PTTG1IP2: variants seen among roughly 807,000 people sequenced by gnomAD.
PTTG1IP2 encodes the protein PTTG1IP family member 2.
chr7:90,471,921 T>C (rs1312783295), intron 1 of PTTG1IP2, among the ~76,000 whole-genome samples: 1 of 152,002 alleles, frequency 6.6e-6, no homozygotes, highest in East Asian at 1.9e-4. Flanking sequence ...TTCATGGAAA[T>C]GGGAAACACC....
intron 4 of PTTG1IP2, among the ~76,000 whole-genome samples, chr7:90,489,821 A>AT (rs1562986650): frequency 1.3e-5 from 2 of 151,926 alleles, no homozygotes; most frequent in African/African-American, 4.8e-5. Flanking sequence ...GATCAAATAG[A>AT]TTCTCTTTTC....
intron 2 of PTTG1IP2, among the ~76,000 whole-genome samples, chr7:90,482,506 C>A (rs1584692847): frequency 1.1e-5 from 1 of 87,660 alleles, no homozygotes; most frequent in South Asian, 4.3e-4. Context: ...ACATTTACAA[C>A]CCCCCCCCCA....
chr7:90,475,245 G>T (rs1797734582), intron 1 of PTTG1IP2, among the ~76,000 whole-genome samples: 1 of 152,194 alleles, frequency 6.6e-6, no homozygotes, highest in African/African-American at 2.4e-5. Context: ...CACTGTGGTT[G>T]CCTTGACCTA....
Position 90,471,554 on chromosome 7 carries a change from A to G in PTTG1IP2, c.145+1623A>G, listed in dbSNP as rs140258894. On this transcript the variant is annotated intron_variant, in intron 1 of 6. Transcript: ENST00000509356. ...TTTTCTTCACTAAAAGTAACCAGAC[A>G]ACAAAGGGGCATAGTGCAAAAAATA... Among the ~76,000 whole-genome samples the G allele has an allele frequency of 5.6e-3, 853 of 152,248 alleles. 9 individuals carry two copies. Among genetic ancestry groups the G allele is most frequent in the African/African-American group, 0.02 (814 of 41,560 alleles).
chr7:90,497,742 A>AAAAAAG (rs1554407474), intron 6 of PTTG1IP2, among the ~76,000 whole-genome samples: 8 of 135,616 alleles, frequency 5.9e-5, no homozygotes, highest in East Asian at 2.1e-4. Context: ...AAAAAAAAAA[A>AAAAAAG]AAGAAGAAGA....
chr7:90,478,964 G>C lies in PTTG1IP2; in HGVS notation c.146-264G>C, dbSNP rs2188517. On this transcript the variant is annotated intron_variant, in intron 1 of 6. Coordinates refer to ENST00000509356, the MANE Select transcript of PTTG1IP2 (RefSeq NM_001365443.2). ...ATTTGTTTTTCCTTACTATGTTTTGGGGGTTGTTTTTTAGAACTTGGCTCA... is the reference window on the plus strand; with the variant it reads ...ATTTGTTTTTCCTTACTATGTTTTGCGGGTTGTTTTTTAGAACTTGGCTCA... Among the ~76,000 whole-genome samples the C allele has an allele frequency of 2.0e-5, 3 of 151,836 alleles. No homozygotes were observed. The East Asian group carries it at 5.8e-4, about 29-fold the overall frequency.
intron 1 of PTTG1IP2, among the ~76,000 whole-genome samples, chr7:90,473,736 C>G (rs1797715956): frequency 6.6e-6 from 1 of 152,200 alleles, no homozygotes; most frequent in Admixed American, 6.5e-5. Flanking sequence ...AGCTGCGCCT[C>G]TCTGACAGTA....
At position 90,507,749 on chromosome 7, in the gene PTTG1IP2, G is replaced by A. The variant is rs376466808; in HGVS notation, c.*51-5529G>A. Among the ~76,000 whole-genome samples, 117 of 152,272 alleles carry A rather than the reference G, an allele frequency of 7.7e-4. 1 individual carries two copies. The highest frequency in any genetic ancestry group is 2.6e-3 in the African/African-American group (110 of 41,550). On this transcript the variant is annotated intron_variant, in intron 6 of 6. Transcript: ENST00000509356. ...CAATGCTACAAAAGCTGTGTGAGAT[G>A]TAATTTAAATACCATGTATAAAGCA... is the stretch of plus-strand genomic sequence containing the variant.
At chr7:90,500,543 G>C (rs749440417) in intron 6 of PTTG1IP2, among the ~76,000 whole-genome samples, 13 of 152,276 alleles carry the variant, frequency 8.5e-5, no homozygotes, top group Non-Finnish European at 1.9e-4. Flanking sequence ...GAGTTAACTG[G>C]GGAATTCCCT....
intron 1 of PTTG1IP2, among the ~76,000 whole-genome samples, chr7:90,471,940 G>A (rs974630965): frequency 1.3e-5 from 2 of 152,130 alleles, no homozygotes; most frequent in Admixed American, 6.6e-5. Flanking sequence ...CCTCTGATAA[G>A]CTCTAGCAAA....
intron 6 of PTTG1IP2, among the ~76,000 whole-genome samples, chr7:90,511,812 T>A (rs975216333): frequency 2.0e-5 from 3 of 152,218 alleles, no homozygotes. Flanking sequence ...CCTCTCTATG[T>A]CTCGGTTTCT....
At chr7:90,507,561 T>C (rs1798137836) in intron 6 of PTTG1IP2, among the ~76,000 whole-genome samples, 1 of 152,174 alleles carries the variant, frequency 6.6e-6, no homozygotes, top group Admixed American at 6.5e-5. Context: ...TCTTGGGCTC[T>C]CGGGCAAGGG....
At chr7:90,497,590 A>T (rs1470580373) in intron 6 of PTTG1IP2, among the ~76,000 whole-genome samples, 1 of 149,898 alleles carries the variant, frequency 6.7e-6, no homozygotes. Context: ...AAAAAAGTTA[A>T]AAAGTTAGCC....
chr7:90,493,611 T>C (rs1325365707), intron 5 of PTTG1IP2, among the ~76,000 whole-genome samples: 4 of 152,222 alleles, frequency 2.6e-5, no homozygotes, highest in Non-Finnish European at 5.9e-5. Context: ...GTCAGATTCA[T>C]TGTAGGGAAT....
At chr7:90,485,949 A>G (rs986855531) in intron 2 of PTTG1IP2, among the ~76,000 whole-genome samples, 2 of 152,216 alleles carry the variant, frequency 1.3e-5, no homozygotes, top group African/African-American at 4.8e-5. Context: ...TTATCTTTGC[A>G]GTTCCAGTCT....
At chr7:90,500,551 C>A (rs1461334544) in intron 6 of PTTG1IP2, among the ~76,000 whole-genome samples, 1 of 152,118 alleles carries the variant, frequency 6.6e-6, no homozygotes, top group Non-Finnish European at 1.5e-5. Flanking sequence ...TGGGGAATTC[C>A]CTCAGGAGTA....
rs777064944 is a variant in PTTG1IP2, at chr7:90,488,951, T to G, written c.367T>G (p.Phe123Val). 1 of 151,906 alleles carries G rather than the reference T, an allele frequency of 6.6e-6. No individual in the cohort carries two copies. The highest frequency in any genetic ancestry group is 1.5e-5 in the Non-Finnish European group (1 of 67,808). 9.4% of individuals were successfully genotyped at this position (151,906 alleles called of 1,614,324 possible). Residue 123 changes from phenylalanine to valine, a missense_variant, in exon 4 of 7, where the codon TTT becomes GTT. Phe to Val is a conservative substitution (Grantham distance 50). Coordinates refer to ENST00000509356, the MANE Select transcript of PTTG1IP2 (RefSeq NM_001365443.2). ...CGTTTGGTACTGCTGCGCCTATCAC[T>G]TTTACCTGCAGGAGTATGCTCATTT... ...GFVWYCCAYH[F>V]YLQDLNRNRV...
At chr7:90,504,720 A>C (rs1211365134) in intron 6 of PTTG1IP2, among the ~76,000 whole-genome samples, 1 of 152,216 alleles carries the variant, frequency 6.6e-6, no homozygotes, top group Non-Finnish European at 1.5e-5. Context: ...CAGATTTTTA[A>C]AAGATATCAA....
At chr7:90,506,543 A>G (rs1023119051) in intron 6 of PTTG1IP2, among the ~76,000 whole-genome samples, 13 of 152,284 alleles carry the variant, frequency 8.5e-5, no homozygotes, top group African/African-American at 2.4e-4. Flanking sequence ...AGGGAGGACT[A>G]CTTGAGCTCA....
Sources: allele counts gnomAD v4.1 joint callset (sites outside exome capture counted in the v4.1 genomes callset), GRCh38; gene constraint gnomAD v4.1.1; transcripts MANE v1.5; gene names NCBI Gene and HGNC (gene_info 2026-07-23, HGNC 2026-07-21).